Variants in MACROD2 observed in about 807,000 individuals in gnomAD.
MACROD2 encodes the protein ADP-ribose glycohydrolase MACROD2.
In MACROD2, 36 loss-of-function variants were observed where a neutral mutation model predicts 70.4. That is an observed-to-expected ratio of 0.51 (90% CI 0.39 to 0.68). The LOEUF (loss-of-function observed/expected upper bound fraction) is 0.68. MACROD2 is among the 30% of genes least tolerant of loss of function. The probability of loss-of-function intolerance (pLI) is 0.00; values close to 1 mark genes in which losing one functional copy is unlikely to be tolerated. For synonymous variants in MACROD2, 172 were observed against 178.8 expected, an observed-to-expected ratio of 0.96 and a Z score of 0.30; for missense variants, 496 against 538.4, an observed-to-expected ratio of 0.92 and a Z score of 0.78.
intron 4 of MACROD2, among the ~76,000 whole-genome samples, chr20:14,506,007 C>T (rs1488411491): frequency 6.6e-6 from 1 of 152,166 alleles, no homozygotes; most frequent in Non-Finnish European, 1.5e-5. Flanking sequence ...CCCACCCTCT[C>T]CATTTGGTTG....
At chr20:15,956,422 TG>T (rs1251686642) in intron 12 of MACROD2, among the ~76,000 whole-genome samples, 1 of 152,206 alleles carries the variant, frequency 6.6e-6, no homozygotes, top group African/African-American at 2.4e-5. Context: ...CTTCACATAT[TG>T]ATGGGGAGCT....
rs185985421 is a variant in MACROD2 at position 14,428,760 on chromosome 20, A to G, written c.272-64719A>G. Among the ~76,000 whole-genome samples, 75 of 152,304 alleles carry G rather than the reference A, an allele frequency of 4.9e-4. 2 individuals carry two copies. Among genetic ancestry groups the G allele is most frequent in the Non-Finnish European group, 2.9e-5 (2 of 68,006 alleles). On this transcript the variant is annotated intron_variant, in intron 3 of 17. Transcript: ENST00000684519. Reference sequence around the variant, plus strand: ...ACACTTATTACCCGTGAAGATAAATATGATCATTGAAATGGTATGTGAAAC... The same window carrying G: ...ACACTTATTACCCGTGAAGATAAATGTGATCATTGAAATGGTATGTGAAAC...
At chr20:15,423,364 C>G (rs2046255054) in intron 6 of MACROD2, among the ~76,000 whole-genome samples, 1 of 152,198 alleles carries the variant, frequency 6.6e-6, no homozygotes, top group Admixed American at 6.5e-5. Context: ...AATGTCACGT[C>G]CATTATTATC....
chr20:14,493,441 A>G (rs1227277395), intron 3 of MACROD2, 38 bp from the exon 4 acceptor site: 18 of 1,566,760 alleles, frequency 1.1e-5, no homozygotes, highest in Non-Finnish European at 1.6e-5. Context: ...TCTTATACAT[A>G]TTATTTAATG....
rs748243988 is a variant in MACROD2, at chr20:15,335,269, G to C, written c.541-96136G>C. Reference sequence around the variant, plus strand: ...ATTTTGCTTCACTCTTCTCTCATCAGAGAGGTTGAGTTCTTCAAACACTTT... The same window carrying C: ...ATTTTGCTTCACTCTTCTCTCATCACAGAGGTTGAGTTCTTCAAACACTTT... On this transcript the variant is annotated intron_variant, in intron 6 of 17. Coordinates refer to ENST00000684519, the MANE Select transcript of MACROD2 (RefSeq NM_001351661.2). Among the ~76,000 whole-genome samples, 6 of 151,726 alleles carry C rather than the reference G, an allele frequency of 4.0e-5. No homozygotes were observed. The South Asian group carries it at 1.2e-3, about 31-fold the overall frequency.
chr20:15,277,373 T>C (rs2077402913), intron 6 of MACROD2, among the ~76,000 whole-genome samples: 1 of 152,202 alleles, frequency 6.6e-6, no homozygotes, highest in Non-Finnish European at 1.5e-5. Flanking sequence ...ATCTCTCTGA[T>C]TGAAGGATTG....
chr20:14,224,304 T>A (rs2081711904), intron 3 of MACROD2, among the ~76,000 whole-genome samples: 1 of 152,188 alleles, frequency 6.6e-6, no homozygotes, highest in Admixed American at 6.5e-5. Context: ...ATCACTTAGT[T>A]CCATCCTTTG....
chr20:15,134,298 C>T (rs775765819), intron 5 of MACROD2, among the ~76,000 whole-genome samples: 9 of 150,420 alleles, frequency 6.0e-5, no homozygotes, highest in African/African-American at 1.9e-4. Context: ...CCGAGGCGGG[C>T]GGATCACGAG....
At chr20:14,062,439 T>G (rs2053701541) in intron 2 of MACROD2, among the ~76,000 whole-genome samples, 1 of 152,136 alleles carries the variant, frequency 6.6e-6, no homozygotes, top group South Asian at 2.1e-4. Context: ...AGTGAAAAAT[T>G]CACAAAACAG....
chr20:15,244,747 A>AT (rs1269622158), intron 6 of MACROD2, among the ~76,000 whole-genome samples: 2 of 152,182 alleles, frequency 1.3e-5, no homozygotes, highest in East Asian at 1.9e-4. Context: ...CTAGTACAAC[A>AT]TTTTTTTAAA....
intron 8 of MACROD2, among the ~76,000 whole-genome samples, chr20:15,797,138 G>C (rs1350232432): frequency 6.6e-6 from 1 of 152,052 alleles, no homozygotes; most frequent in Non-Finnish European, 1.5e-5. Context: ...TTTTGAGATG[G>C]AGTCTCGCTC....
intron 5 of MACROD2, among the ~76,000 whole-genome samples, chr20:15,016,437 T>A (rs984522485): frequency 6.6e-6 from 1 of 152,030 alleles, no homozygotes; most frequent in African/African-American, 2.4e-5. Flanking sequence ...AATCTCATGT[T>A]GGAATGTGAT....
chr20:15,619,446 G>A (rs1040751642), intron 8 of MACROD2: 1 of 255,506 alleles, frequency 3.9e-6, no homozygotes, highest in Non-Finnish European at 8.3e-6. Flanking sequence ...CAGAGGATCA[G>A]CATCTCAGGA....
chr20:15,460,994 A>T lies in MACROD2; in HGVS notation c.571+29559A>T, dbSNP rs1253503265. On this transcript the variant is annotated intron_variant, in intron 7 of 17. Coordinates refer to ENST00000684519, the MANE Select transcript of MACROD2 (RefSeq NM_001351661.2). The stretch of plus-strand genomic sequence containing the variant: ...TCTCTCTCCATATATATATATATAT[A>T]TATATATATATATTTTTTTTTAATA... Among the ~76,000 whole-genome samples the T allele has an allele frequency of 2.6e-4, 21 of 80,540 alleles. 1 individual carries two copies. Among genetic ancestry groups the T allele is most frequent in the African/African-American group, 1.0e-3 (20 of 19,534 alleles). 52.8% of individuals were successfully genotyped at this position (80,540 alleles called of 152,430 possible).
chr20:14,700,010 A>G (rs1202474466), intron 5 of MACROD2, among the ~76,000 whole-genome samples: 1 of 151,390 alleles, frequency 6.6e-6, no homozygotes, highest in African/African-American at 2.4e-5. Context: ...CTAGAAGTTT[A>G]AAGTTTAAAT....
chr20:15,729,371 G>A (rs1218596353), intron 8 of MACROD2, among the ~76,000 whole-genome samples: 2 of 152,106 alleles, frequency 1.3e-5, no homozygotes, highest in Non-Finnish European at 2.9e-5. Flanking sequence ...GTTCTTTTGG[G>A]GTGGAGAGTT....
intron 5 of MACROD2, among the ~76,000 whole-genome samples, chr20:15,146,314 A>G (rs1332498747): frequency 3.3e-5 from 5 of 152,144 alleles, no homozygotes; most frequent in Non-Finnish European, 7.4e-5. Context: ...CATACGGAGT[A>G]TCTGTGTTGA....
intron 8 of MACROD2, among the ~76,000 whole-genome samples, chr20:15,753,163 C>T (rs760109135): frequency 7.2e-5 from 11 of 151,982 alleles, no homozygotes; most frequent in African/African-American, 1.2e-4. Context: ...AGGAGGTACA[C>T]GTGCAGATTT....
intron 8 of MACROD2, among the ~76,000 whole-genome samples, chr20:15,728,107 T>A (rs2050890779): frequency 6.6e-6 from 1 of 152,164 alleles, no homozygotes; most frequent in African/African-American, 2.4e-5. Context: ...ATTCTTAAGA[T>A]GAAGGAATGT....
Sources: gnomAD v4.1 joint callset for allele counts (sites outside exome capture counted in the v4.1 genomes callset) on GRCh38, gnomAD v4.1.1 for gene constraint, MANE v1.5 for transcripts, NCBI Gene and HGNC (gene_info 2026-07-23, HGNC 2026-07-21) for gene names.